The following KHDRBS2 variants were observed in gnomAD, a reference collection of about 807,000 sequenced individuals.
The protein encoded by KHDRBS2 is KH RNA binding domain containing, signal transduction associated 2, also known as KH domain-containing, RNA-binding, signal transduction-associated protein 2.
KHDRBS2 carries 26 observed loss-of-function variants against 44.3 expected under a neutral mutation model. The ratio of observed to expected loss-of-function variants is 0.59; its 90% CI spans 0.43 to 0.81. The LOEUF is 0.81. KHDRBS2 is among the 40% of genes least tolerant of loss of function. KHDRBS2 has a pLI of 0.00. For synonymous variants in KHDRBS2, 194 were observed against 151.1 expected, an observed-to-expected ratio of 1.28 and a Z score of -2.08; for missense variants, 476 against 433.1, an observed-to-expected ratio of 1.10 and a Z score of -0.88.
At chr6:61,663,742 G>A in the KHDRBS2 span, among the ~76,000 whole-genome samples, 2 of 150,858 alleles carry the variant, frequency 1.3e-5, no homozygotes, top group Non-Finnish European at 3.0e-5. Context: ...CTTAATGACT[G>A]TTCAATTAAT....
Position 62,022,675 on chromosome 6 carries a change from TCA to T in KHDRBS2, c.336+25201_336+25202del, listed in dbSNP as rs569707875. Reference sequence around the variant, plus strand: ...TGAGCTCCCTCTTTGGGCTATTATCTCAGTTTTTAGTTTCAAACTTACCATAA... The same window carrying T: ...TGAGCTCCCTCTTTGGGCTATTATCTGTTTTTAGTTTCAAACTTACCATAA... On this transcript the variant is annotated intron_variant, in intron 3 of 8. Coordinates refer to ENST00000281156, the MANE Select transcript of KHDRBS2 (RefSeq NM_152688.4). Among the ~76,000 whole-genome samples the T allele has an allele frequency of 8.2e-3, 1,246 of 151,866 alleles. 10 individuals carry two copies. Among genetic ancestry groups the T allele is most frequent in the African/African-American group, 0.028 (1,169 of 41,516 alleles).
At chr6:61,942,930 G>GAAAGAA (rs1285812720) in intron 4 of KHDRBS2, among the ~76,000 whole-genome samples, 1 of 142,740 alleles carries the variant, frequency 7.0e-6, no homozygotes, top group Admixed American at 7.3e-5. Flanking sequence ...TGGAAAGAAG[G>GAAAGAA]AAAGAAAAAG....
intron 7 of KHDRBS2, among the ~76,000 whole-genome samples, chr6:61,711,105 G>T (rs1482297457): frequency 6.6e-6 from 1 of 151,178 alleles, no homozygotes; most frequent in Non-Finnish European, 1.5e-5. Flanking sequence ...ATAAATATTT[G>T]TTGAATAAAT....
intron 4 of KHDRBS2, among the ~76,000 whole-genome samples, chr6:61,930,258 C>T (rs1021864335): frequency 2.6e-5 from 4 of 151,990 alleles, no homozygotes; most frequent in African/African-American, 9.7e-5. Context: ...ATAAATTTTT[C>T]TTCTTTATAA....
At chr6:62,020,841 G>A (rs1006015307) in intron 3 of KHDRBS2, among the ~76,000 whole-genome samples, 1 of 151,840 alleles carries the variant, frequency 6.6e-6, no homozygotes, top group Non-Finnish European at 1.5e-5. Context: ...CATCTCAGAG[G>A]CTTAAAACAG....
At chr6:61,827,890 C>A (rs1241606751) in intron 6 of KHDRBS2, among the ~76,000 whole-genome samples, 1 of 152,114 alleles carries the variant, frequency 6.6e-6, no homozygotes, top group Non-Finnish European at 1.5e-5. Flanking sequence ...TTCTCAAATA[C>A]CATCACATTG....
At chr6:62,046,228 T>C (rs188044375) in intron 3 of KHDRBS2, among the ~76,000 whole-genome samples, 113 of 151,972 alleles carry the variant, frequency 7.4e-4, no homozygotes, top group African/African-American at 2.5e-3. Flanking sequence ...TGCTGGTACC[T>C]AACATGCTCA....
intron 7 of KHDRBS2, among the ~76,000 whole-genome samples, chr6:61,731,881 A>C (rs927918510): frequency 6.6e-6 from 1 of 152,220 alleles, no homozygotes; most frequent in Middle Eastern, 3.4e-3. Flanking sequence ...CACACTCAAA[A>C]TGTTACATTA....
intron 2 of KHDRBS2, among the ~76,000 whole-genome samples, chr6:62,084,798 AC>A (rs1012436214): frequency 2.6e-5 from 4 of 152,156 alleles, no homozygotes; most frequent in African/African-American, 7.2e-5. Context: ...TGAGAAAAGT[AC>A]CCCCAAGAAA....
chr6:61,847,140 G>C (rs1052720834), intron 6 of KHDRBS2, among the ~76,000 whole-genome samples: 1 of 151,986 alleles, frequency 6.6e-6, no homozygotes, highest in Non-Finnish European at 1.5e-5. Context: ...TTTTCACCAT[G>C]TTTTTCCTAA....
intron 7 of KHDRBS2, among the ~76,000 whole-genome samples, chr6:61,721,196 T>C (rs1772448795): frequency 6.6e-6 from 1 of 152,128 alleles, no homozygotes; most frequent in Admixed American, 6.6e-5. Flanking sequence ...GTAGTATAGT[T>C]TGAAGTCAGG....
At chr6:61,882,721 T>C (rs1009566623) in intron 6 of KHDRBS2, among the ~76,000 whole-genome samples, 5 of 152,012 alleles carry the variant, frequency 3.3e-5, no homozygotes, top group African/African-American at 7.2e-5. Context: ...CTGTTTCTGA[T>C]AGAAGGATTT....
At chr6:61,804,887 C>T (rs1416469153) in intron 6 of KHDRBS2, among the ~76,000 whole-genome samples, 1 of 152,136 alleles carries the variant, frequency 6.6e-6, no homozygotes, top group Non-Finnish European at 1.5e-5. Flanking sequence ...CCACGAAGGC[C>T]TCTGACATGC....
chr6:61,607,520 C>CAAAAAAAAAAAAAAAAAAAAAAAAAA, the KHDRBS2 span, among the ~76,000 whole-genome samples: 2 of 41,110 alleles, frequency 4.9e-5, no homozygotes, highest in East Asian at 1.5e-3. Context: ...GAGTTCCAAG[C>CAAAAAAAAAAAAAAAAAAAAAAAAAA]AAAAAAAAAA....
the KHDRBS2 span, among the ~76,000 whole-genome samples, chr6:61,642,557 G>C: frequency 5.3e-5 from 8 of 151,550 alleles, no homozygotes; most frequent in South Asian, 1.5e-3. Context: ...AGCTACTGGG[G>C]AGGCTGAGGT....
At chr6:61,554,275 T>A in the KHDRBS2 span, among the ~76,000 whole-genome samples, 25,976 of 151,998 alleles carry the variant, frequency 0.17, 2,443 homozygotes, top group East Asian at 0.28. Flanking sequence ...TTCATTTTTT[T>A]AAAATCTTTG....
the KHDRBS2 span, among the ~76,000 whole-genome samples, chr6:61,671,953 G>A: frequency 3.3e-4 from 50 of 151,650 alleles, no homozygotes; most frequent in Admixed American, 1.2e-3. Flanking sequence ...CCACTAACTC[G>A]TCATCTAGCA....
intron 2 of KHDRBS2, among the ~76,000 whole-genome samples, chr6:62,053,160 G>T (rs898733151): frequency 6.6e-6 from 1 of 151,890 alleles, no homozygotes; most frequent in African/African-American, 2.4e-5. Context: ...AAATCATAAT[G>T]AAATGTACTA....
intron 1 of KHDRBS2, among the ~76,000 whole-genome samples, chr6:62,194,192 T>C (rs1327635012): frequency 6.6e-6 from 1 of 152,122 alleles, no homozygotes; most frequent in Admixed American, 6.6e-5. Context: ...CCAGGAGTTT[T>C]ATAACTTCAG....
Sources: allele counts gnomAD v4.1 joint callset (sites outside exome capture counted in the v4.1 genomes callset), GRCh38; gene constraint gnomAD v4.1.1; transcripts MANE v1.5; gene names NCBI Gene and HGNC (gene_info 2026-07-23, HGNC 2026-07-21).